EPHA3: variants seen among roughly 807,000 people sequenced by gnomAD.
EPHA3 encodes the protein ephrin type-A receptor 3.
Under a neutral mutation model 107.1 loss-of-function variants are expected in EPHA3, and 42 were observed. The observed-to-expected ratio is 0.39, with a 90% confidence interval of 0.31 to 0.51. EPHA3 has a LOEUF of 0.51. Among genes scored for constraint, EPHA3 ranks in the 20% least tolerant of loss-of-function variants. The probability of loss-of-function intolerance (pLI) is 0.78; values close to 1 mark genes in which losing one functional copy is unlikely to be tolerated. For missense variants in EPHA3, 1,183 were observed against 1,211.2 expected, an observed-to-expected ratio of 0.98 and a Z score of 0.35; for synonymous variants, 461 against 424.8, an observed-to-expected ratio of 1.09 and a Z score of -1.05.
rs566324631 is a variant in EPHA3 at position 89,481,082 on chromosome 3, T to C, written c.*1580T>C. ...TTAGCTCTATTGATACTCTTTCTAA[T>C]GCTGATATGATCTTGAGTATAAGAA... On this transcript the variant is annotated 3_prime_UTR_variant, in exon 17 of 17. Coordinates refer to ENST00000336596, the MANE Select transcript of EPHA3 (RefSeq NM_005233.6). 8.6e-6 allele frequency: 2 copies of C among 231,952 alleles called. No individual in the cohort carries two copies. The highest frequency in any genetic ancestry group is 3.6e-4 in the South Asian group (2 of 5,518). The allele number at this position is 231,952 out of a possible 1,614,324, so 14.4% of individuals were successfully genotyped here.
chr3:89,458,948 T>C (rs1710158417), intron 15 of EPHA3, among the ~76,000 whole-genome samples: 1 of 152,182 alleles, frequency 6.6e-6, no homozygotes, highest in African/African-American at 2.4e-5. Flanking sequence ...AAACACTGCA[T>C]GTTCTCACTC....
intron 2 of EPHA3, among the ~76,000 whole-genome samples, chr3:89,170,228 C>T (rs1485864624): frequency 6.7e-6 from 1 of 150,046 alleles, no homozygotes; most frequent in Non-Finnish European, 1.5e-5. Context: ...TGCACTTCAG[C>T]CTGGGCGACA....
At chr3:89,208,328 C>A (rs1460804724) in intron 2 of EPHA3, among the ~76,000 whole-genome samples, 1 of 144,398 alleles carries the variant, frequency 6.9e-6, no homozygotes, top group South Asian at 2.2e-4. Context: ...TGAGATCGTG[C>A]CATTGCACTC....
chr3:89,399,831 A>C, intron 7 of EPHA3: 8 of 1,091,510 alleles, frequency 7.3e-6, no homozygotes, highest in Non-Finnish European at 8.9e-6. Context: ...TGCGTGATTC[A>C]ATGAACCACA....
At chr3:89,408,623 A>G (rs1161242398) in intron 9 of EPHA3, among the ~76,000 whole-genome samples, 1 of 152,148 alleles carries the variant, frequency 6.6e-6, no homozygotes, top group Admixed American at 6.6e-5. Flanking sequence ...TCCAACTAGT[A>G]GTAAAGCCAG....
chr3:89,302,292 G>A (rs1015594545), intron 3 of EPHA3, among the ~76,000 whole-genome samples: 1 of 151,934 alleles, frequency 6.6e-6, no homozygotes, highest in Non-Finnish European at 1.5e-5. Flanking sequence ...ATGGTGACAT[G>A]GTTTTCCCTA....
At chr3:89,357,074 C>T (rs1335730733) in intron 5 of EPHA3, among the ~76,000 whole-genome samples, 1 of 120,332 alleles carries the variant, frequency 8.3e-6, no homozygotes, top group African/African-American at 3.1e-5. Context: ...CACCACTGCA[C>T]TCCAGCCTGG....
intron 2 of EPHA3, among the ~76,000 whole-genome samples, chr3:89,151,032 A>G (rs1182307179): frequency 1.3e-5 from 2 of 152,064 alleles, no homozygotes; most frequent in Admixed American, 1.3e-4. Context: ...TACGCTTAAC[A>G]GTAGACCCTG....
At chr3:89,164,495 C>T (rs1264475652) in intron 2 of EPHA3, among the ~76,000 whole-genome samples, 2 of 152,126 alleles carry the variant, frequency 1.3e-5, no homozygotes, top group African/African-American at 4.8e-5. Flanking sequence ...CTGTGTCACA[C>T]CTGACATCTG....
intron 5 of EPHA3, among the ~76,000 whole-genome samples, chr3:89,388,176 A>C (rs1311054934): frequency 6.6e-6 from 1 of 152,116 alleles, no homozygotes; most frequent in Non-Finnish European, 1.5e-5. Context: ...TTTTTATTTT[A>C]ATATCACGGG....
intron 5 of EPHA3, among the ~76,000 whole-genome samples, chr3:89,366,633 T>C (rs1708188575): frequency 6.6e-6 from 1 of 150,572 alleles, no homozygotes; most frequent in South Asian, 2.1e-4. Context: ...GGAAAAGATC[T>C]TGAGAACAGC....
intron 2 of EPHA3, among the ~76,000 whole-genome samples, chr3:89,161,931 T>G (rs752101920): frequency 2.0e-4 from 30 of 151,694 alleles, no homozygotes; most frequent in Non-Finnish European, 3.1e-4. Flanking sequence ...GAGCCATGAT[T>G]GCACCACTGC....
At chr3:89,368,669 A>C (rs1424297213) in intron 5 of EPHA3, among the ~76,000 whole-genome samples, 1 of 150,362 alleles carries the variant, frequency 6.7e-6, no homozygotes, top group African/African-American at 2.4e-5. Flanking sequence ...AGAGAGAGCA[A>C]GTTCACTGCC....
chr3:89,368,083 A>T (rs1307460455), intron 5 of EPHA3, among the ~76,000 whole-genome samples: 1 of 150,494 alleles, frequency 6.6e-6, no homozygotes, highest in Non-Finnish European at 1.5e-5. Flanking sequence ...TAAGTGAGAG[A>T]GCTGTAAGAA....
chr3:89,323,468 T>C (rs1412560451), intron 3 of EPHA3, among the ~76,000 whole-genome samples: 3 of 152,136 alleles, frequency 2.0e-5, no homozygotes, highest in African/African-American at 4.8e-5. Flanking sequence ...ATATCTCCTA[T>C]TGATTTACCA....
chr3:89,474,999 CCTT>C (rs1192120805), intron 16 of EPHA3, among the ~76,000 whole-genome samples: 2 of 152,122 alleles, frequency 1.3e-5, no homozygotes, highest in African/African-American at 4.8e-5. Flanking sequence ...CCACAATATT[CCTT>C]CTTCTGTCCT....
At chr3:89,202,526 A>T (rs1705993269) in intron 2 of EPHA3, among the ~76,000 whole-genome samples, 1 of 82,146 alleles carries the variant, frequency 1.2e-5, no homozygotes, top group African/African-American at 3.5e-5. Context: ...AAAAAAAAAA[A>T]AAAAAAAAAT....
At chr3:89,282,809 C>T (rs1230976135) in intron 3 of EPHA3, among the ~76,000 whole-genome samples, 2 of 152,032 alleles carry the variant, frequency 1.3e-5, no homozygotes, top group African/African-American at 2.4e-5. Context: ...TGCACCAAAA[C>T]TGAAATGTGT....
chr3:89,420,489 A>G (rs1709332803), intron 11 of EPHA3, among the ~76,000 whole-genome samples: 1 of 151,554 alleles, frequency 6.6e-6, no homozygotes, highest in African/African-American at 2.4e-5. Context: ...TTGTAAGTCC[A>G]TATTAATTCT....
Sources: gnomAD v4.1 joint callset for allele counts (sites outside exome capture counted in the v4.1 genomes callset) on GRCh38, gnomAD v4.1.1 for gene constraint, MANE v1.5 for transcripts, NCBI Gene and HGNC (gene_info 2026-07-23, HGNC 2026-07-21) for gene names.